Variants in PRAMEF11 observed in about 807,000 individuals in gnomAD.
PRAMEF11 encodes the protein PRAME family member 11.
In PRAMEF11, 17 loss-of-function variants were observed where a neutral mutation model predicts 33.6. That is an observed-to-expected ratio of 0.51 (90% CI 0.35 to 0.76). PRAMEF11 has a LOEUF of 0.76. Among genes scored for constraint, PRAMEF11 ranks in the 30% least tolerant of loss-of-function variants. The probability of loss-of-function intolerance (pLI) is 0.01; values close to 1 mark genes in which losing one functional copy is unlikely to be tolerated. For missense variants in PRAMEF11, 568 were observed against 567.0 expected, an observed-to-expected ratio of 1.00 and a Z score of -0.02; for synonymous variants, 205 against 227.3, an observed-to-expected ratio of 0.90 and a Z score of 0.88.
chr1:12,829,390 C>G (rs1314603502), intron 1 of PRAMEF11, among the ~76,000 whole-genome samples: 2 of 149,288 alleles, frequency 1.3e-5, no homozygotes, highest in Non-Finnish European at 3.0e-5. Context: ...CATTCTCTCT[C>G]TCTTTCTCTC....
chr1:12,828,934 T>C lies in PRAMEF11; in HGVS notation c.-16-129A>G, dbSNP rs1243262499. The C allele has an allele frequency of 2.8e-5, 38 of 1,339,122 alleles. 1 individual carries two copies. Among genetic ancestry groups the C allele is most frequent in the East Asian group, 2.6e-4 (11 of 42,868 alleles). 83.0% of individuals were successfully genotyped at this position (1,339,122 alleles called of 1,614,324 possible). On this transcript the variant is annotated intron_variant, in intron 1 of 3. Transcript: ENST00000619922. Reference sequence around the variant, plus strand: ...AGCCCTCAGTTTACTCCAATTCTACTCTGTACTCAGTGGCCATTAAGCCAG... The same window carrying C: ...AGCCCTCAGTTTACTCCAATTCTACCCTGTACTCAGTGGCCATTAAGCCAG...
At position 12,827,623 on chromosome 1, in the gene PRAMEF11, G is replaced by A. The variant is rs762436556; in HGVS notation, c.501C>T (p.Thr167=). The A allele has an allele frequency of 1.9e-6, 3 of 1,609,388 alleles. No homozygotes were observed. Among genetic ancestry groups the A allele is most frequent in the African/African-American group, 1.3e-5 (1 of 74,586 alleles). The part of the protein sequence containing the change: ...LKNRTLDEYL[T]CLLLWVKQRR... ...TCTGCTTGACCCATAGAAGGAGGCAGGTGAGGTATTCATCCAGAGTCCTGT... is the reference window on the plus strand; with the variant it reads ...TCTGCTTGACCCATAGAAGGAGGCAAGTGAGGTATTCATCCAGAGTCCTGT... Residue 167 remains threonine, a synonymous_variant, in exon 3 of 4, where the codon ACC becomes ACT. Transcript: ENST00000619922.
Position 12,825,099 on chromosome 1 carries a change from G to A in PRAMEF11, c.1280C>T (p.Thr427Ile). Reference protein sequence around the residue: ...APQESYGADGTLCWSRFAQIR... With the variant: ...APQESYGADGILCWSRFAQIR... ...TTGAGCAAATCTGCTCCAGCAGAGAGTACCATCAGCACCATAACTTTCCTG... is the reference window on the plus strand; with the variant it reads ...TTGAGCAAATCTGCTCCAGCAGAGAATACCATCAGCACCATAACTTTCCTG... The change falls in exon 4 of 4, where the codon ACT becomes ATT. Residue 427 changes from threonine to isoleucine, a missense_variant. Physicochemically the swap from Thr to Ile is moderately conservative, Grantham distance 89. Around this residue, in one of 3 missense-constraint regions of PRAMEF11, gnomAD observed 174 missense variants for 127.2 expected, o/e 1.37. Coordinates refer to ENST00000619922, the MANE Select transcript of PRAMEF11 (RefSeq NM_001146344.3). 6.2e-7 allele frequency: 1 copy of A among 1,609,716 alleles called. No individual in the cohort carries two copies. Among genetic ancestry groups the A allele is most frequent in the South Asian group, 1.1e-5 (1 of 90,498 alleles).
chr1:12,828,704 G>C lies in PRAMEF11; in HGVS notation c.86C>G (p.Thr29Ser). ...LLRDQALAVS[T>S]LEELPTELFP... ...AAGTTCCGTGGGCAGCTCCTCCAGG[G>C]TGGAGACGGCCAAGGCTTGGTCCCT... is the stretch of plus-strand genomic sequence containing the variant. Residue 29 changes from threonine (T) to serine (S), a missense_variant, in exon 2 of 4, where the codon ACC (threonine) becomes AGC (serine). By Grantham distance (58) the Thr-to-Ser change is moderately conservative. This residue lies in a region of PRAMEF11 where 342 missense variants were observed against 312.0 expected (regional missense o/e 1.10). Transcript: ENST00000619922. 5.6e-6 allele frequency: 9 copies of C among 1,610,454 alleles called. No individual in the cohort carries two copies. The highest frequency in any genetic ancestry group is 2.7e-5 in the African/African-American group (2 of 74,858).
At chr1:12,828,024 C>T (rs1391715688) in intron 2 of PRAMEF11, among the ~76,000 whole-genome samples, 194 bp from the exon 3 acceptor site, 4 of 149,368 alleles carry the variant, frequency 2.7e-5, no homozygotes, top group South Asian at 2.2e-4. Flanking sequence ...CTCCTTCTGT[C>T]GCCCAGGCTA....
intron 3 of PRAMEF11, among the ~76,000 whole-genome samples, chr1:12,826,554 G>C (rs538099683): frequency 4.0e-5 from 6 of 151,030 alleles, no homozygotes; most frequent in Non-Finnish European, 7.4e-5. Context: ...CTGAAATCAG[G>C]GGTTGGAGAA....
intron 1 of PRAMEF11, among the ~76,000 whole-genome samples, chr1:12,830,853 G>T (rs1468345142): frequency 4.0e-5 from 6 of 150,588 alleles, no homozygotes; most frequent in Non-Finnish European, 8.9e-5. Context: ...GCGAGGCATG[G>T]TTTCAGATGT....
intron 1 of PRAMEF11, among the ~76,000 whole-genome samples, chr1:12,830,613 G>T (rs1457799116): frequency 1.3e-5 from 2 of 150,886 alleles, no homozygotes; most frequent in Non-Finnish European, 3.0e-5. Flanking sequence ...CAATCTTCTG[G>T]GCTCAAGTGA....
In PRAMEF11 at chr1:12,824,851, T is replaced by C; in HGVS notation, c.*91A>G. On this transcript the variant is annotated 3_prime_UTR_variant, in exon 4 of 4. Transcript: ENST00000619922. Reference sequence around the variant, plus strand: ...CCCATGTGTGAAACGATGGGTTCTGTGCTCCCTTTAGGATGTACCTAAGAC... The same window carrying C: ...CCCATGTGTGAAACGATGGGTTCTGCGCTCCCTTTAGGATGTACCTAAGAC... The C allele has an allele frequency of 6.5e-7, 1 of 1,546,574 alleles. No homozygotes were observed. Among genetic ancestry groups the C allele is most frequent in the African/African-American group, 1.4e-5 (1 of 72,504 alleles).
At chr1:12,830,983 A>G (rs1639993833) in intron 1 of PRAMEF11, among the ~76,000 whole-genome samples, 1 of 113,288 alleles carries the variant, frequency 8.8e-6, no homozygotes, top group African/African-American at 3.4e-5. Context: ...ACACAGTGAG[A>G]CTCCATCCCC....
In PRAMEF11 at chr1:12,828,214, A is replaced by G. The variant is rs376328178; in HGVS notation, c.293+283T>C. Among the ~76,000 whole-genome samples the G allele has an allele frequency of 6.3e-4, 91 of 145,564 alleles. 1 individual carries two copies. The highest frequency in any genetic ancestry group is 1.7e-3 in the African/African-American group (67 of 38,620). On this transcript the variant is annotated intron_variant, in intron 2 of 3. Transcript: ENST00000619922. The stretch of plus-strand genomic sequence containing the variant: ...TGGACAGGCTGGCCTCCAACTCTTG[A>G]CCTCAGCCTCCCAATGGGCTGGGAT...
intron 1 of PRAMEF11, among the ~76,000 whole-genome samples, 158 bp from the exon 2 acceptor site, chr1:12,828,963 T>G (rs1466490558): frequency 6.6e-6 from 1 of 151,886 alleles, no homozygotes; most frequent in African/African-American, 2.4e-5. Flanking sequence ...AAGCCAGCAT[T>G]CTGCCTCTGC....
intron 3 of PRAMEF11, among the ~76,000 whole-genome samples, chr1:12,826,823 G>A (rs1040375886): frequency 7.3e-5 from 11 of 151,124 alleles, no homozygotes; most frequent in Non-Finnish European, 3.0e-5. Flanking sequence ...CAGGGGTCTT[G>A]GGATGTTACC....
At position 12,825,187 on chromosome 1, in the gene PRAMEF11, C is replaced by T. The variant is rs766278641; in HGVS notation, c.1192G>A (p.Glu398Lys). 4.4e-6 allele frequency: 7 copies of T among 1,608,290 alleles called. No homozygotes were observed. Among genetic ancestry groups the T allele is most frequent in the Non-Finnish European group, 5.9e-6 (7 of 1,177,704 alleles). Reference sequence around the variant, plus strand: ...ATGATTGTGTGGCTCAGCAGGTTCTCCAGGGTGGCCATGCAGATGGGATTT... The same window carrying T: ...ATGATTGTGTGGCTCAGCAGGTTCTTCAGGGTGGCCATGCAGATGGGATTT... ...CGNPICMATLENLLSHTIILK... is the reference protein window; with the variant it reads ...CGNPICMATLKNLLSHTIILK... The change falls in exon 4 of 4, where the codon GAG becomes AAG. Residue 398 changes from glutamate to lysine, a missense_variant. Around this residue, in one of 3 missense-constraint regions of PRAMEF11, gnomAD observed 174 missense variants for 127.2 expected, o/e 1.37. Transcript: ENST00000619922.
At chr1:12,829,480 C>T (rs1036277739) in intron 1 of PRAMEF11, among the ~76,000 whole-genome samples, 2 of 151,158 alleles carry the variant, frequency 1.3e-5, no homozygotes, top group African/African-American at 4.9e-5. Context: ...CAGCTCAGTG[C>T]AGCCTTGACC....
intron 2 of PRAMEF11, 132 bp downstream of exon 2, chr1:12,828,365 T>G: frequency 7.0e-7 from 1 of 1,418,576 alleles, no homozygotes. Context: ...CCTGAGGAGC[T>G]GGTGAATGGC....
intron 1 of PRAMEF11, among the ~76,000 whole-genome samples, chr1:12,830,109 C>T (rs1330946407): frequency 6.6e-6 from 1 of 151,386 alleles, no homozygotes; most frequent in African/African-American, 2.4e-5. Flanking sequence ...GGTTGAACCT[C>T]TTCCTGATAT....
rs771870982 is a variant in PRAMEF11 at position 12,828,717 on chromosome 1, A to C, written c.73T>G (p.Leu25Val). Residue 25 changes from leucine (L) to valine (V), a missense_variant, in exon 2 of 4, where the codon TTG becomes GTG. Physicochemically the swap from Leu to Val is conservative, Grantham distance 32 (BLOSUM62 1). Transcript: ENST00000619922. ...AGRSLLRDQA[L>V]AVSTLEELPT... ...AGCTCCTCCAGGGTGGAGACGGCCA[A>C]GGCTTGGTCCCTCAGCAGGCTCCGC... is the stretch of plus-strand genomic sequence containing the variant. 3 of 1,610,340 alleles carry C rather than the reference A, an allele frequency of 1.9e-6. No individual in the cohort carries two copies. In the East Asian group the frequency reaches 6.7e-5, roughly 36 times the overall value.
rs1371317206 is a variant in PRAMEF11 at position 12,824,676 on chromosome 1, G to C, written c.*266C>G. On this transcript the variant is annotated 3_prime_UTR_variant, in exon 4 of 4. Coordinates refer to ENST00000619922, the MANE Select transcript of PRAMEF11 (RefSeq NM_001146344.3). ...ATCCATGCAAGAGTAACTCCCTCAT[G>C]TATTCTCAAGCCTGAATTCCACTCT... 1.2e-5 allele frequency: 6 copies of C among 488,186 alleles called. No homozygotes were observed. Among genetic ancestry groups the C allele is most frequent in the Non-Finnish European group, 2.2e-5 (6 of 271,756 alleles). 30.2% of individuals were successfully genotyped at this position (488,186 alleles called of 1,614,324 possible).
Sources: gnomAD v4.1 joint callset for allele counts (sites outside exome capture counted in the v4.1 genomes callset) on GRCh38, gnomAD v4.1.1 for gene constraint, gnomAD v4.1.1 regional missense constraint, MANE v1.5 for transcripts, NCBI Gene and HGNC (gene_info 2026-07-23, HGNC 2026-07-21) for gene names.